WRN: variants seen among roughly 807,000 people sequenced by gnomAD.
WRN encodes the protein bifunctional 3'-5' exonuclease/ATP-dependent helicase WRN.
In WRN, 149 loss-of-function variants were observed where a neutral mutation model predicts 180.7. The observed-to-expected ratio is 0.82, with a 90% CI of 0.72 to 0.94. The LOEUF is 0.94. Ranked by LOEUF, WRN falls within the 40% of genes least tolerant of loss-of-function variation. The pLI is 0.00. For missense variants in WRN, 1,661 were observed against 1,700.1 expected (o/e 0.98, Z 0.40); for synonymous variants, 548 against 568.9 (o/e 0.96, Z 0.52).
At chr8:31,079,312 C>T (rs1044193186) in intron 8 of WRN, among the ~76,000 whole-genome samples, 13 of 152,196 alleles carry the variant, frequency 8.5e-5, no homozygotes, top group South Asian at 8.3e-4. Context: ...CAAATTTTTA[C>T]TTGAGTCATT....
At chr8:31,043,322 T>C (rs1019729071) in intron 1 of WRN, among the ~76,000 whole-genome samples, 2 of 152,162 alleles carry the variant, frequency 1.3e-5, no homozygotes, top group African/African-American at 4.8e-5. Flanking sequence ...AGATGGAGGC[T>C]AGAGAACTGA....
Position 31,111,754 on chromosome 8 carries a change from C to T in WRN, c.2228C>T (p.Thr743Ile). The T allele has an allele frequency of 6.2e-7, 1 of 1,613,908 alleles. No individual in the cohort carries two copies. Among genetic ancestry groups the T allele is most frequent in the South Asian group, 1.1e-5 (1 of 91,078 alleles). Reference sequence around the variant, plus strand: ...CTGTATTTAGAAGTTAGGCGAAAAACAGGGAATATCCTTCAGGATCTGCAG... The same window carrying T: ...CTGTATTTAGAAGTTAGGCGAAAAATAGGGAATATCCTTCAGGATCTGCAG... Reference protein sequence around the residue: ...PNLYLEVRRKTGNILQDLQPF... With the variant: ...PNLYLEVRRKIGNILQDLQPF... Residue 743 changes from threonine (T) to isoleucine (I), a missense_variant, in exon 19 of 35, where the codon ACA (threonine) becomes ATA (isoleucine). Around this residue, in one of 3 missense-constraint regions of WRN, gnomAD observed 1,141 missense variants for 1,149.4 expected, o/e 0.99. Coordinates refer to ENST00000298139, the MANE Select transcript of WRN (RefSeq NM_000553.6).
intron 33 of WRN, among the ~76,000 whole-genome samples, chr8:31,161,072 C>A (rs2130494707): frequency 1.3e-5 from 2 of 148,528 alleles, no homozygotes; most frequent in Admixed American, 1.3e-4. Context: ...TAGCTGCCTT[C>A]TTTATATCCT....
chr8:31,076,058 A>G, intron 7 of WRN, 115 bp from the exon 8 acceptor site: 1 of 855,116 alleles, frequency 1.2e-6, no homozygotes, highest in Non-Finnish European at 1.9e-6. Flanking sequence ...TTTTGTTGGA[A>G]TTCATTTAAG....
chr8:31,152,322 C>A (rs1803168934), intron 31 of WRN, among the ~76,000 whole-genome samples: 1 of 149,948 alleles, frequency 6.7e-6, no homozygotes, highest in South Asian at 2.1e-4. Context: ...CAGAGCGAGA[C>A]TCCATCTCAA....
chr8:31,140,003 GTTTTTTTTTTTTTTTT>G (rs71539917), intron 24 of WRN, among the ~76,000 whole-genome samples: 23 of 62,104 alleles, frequency 3.7e-4, no homozygotes, highest in African/African-American at 4.8e-4. Flanking sequence ...ATACTTCTTT[GTTTTTTTTTTTTTTTT>G]TTTTTTTTTT....
chr8:31,143,024 G>GACACACACACAC (rs10529735), intron 27 of WRN, among the ~76,000 whole-genome samples: 10 of 136,608 alleles, frequency 7.3e-5, no homozygotes, highest in African/African-American at 1.9e-4. Context: ...TCTTATTAAA[G>GACACACACACAC]ACACACACAC....
chr8:31,084,067 C>G (rs1394362725), intron 10 of WRN, among the ~76,000 whole-genome samples: 2 of 152,092 alleles, frequency 1.3e-5, no homozygotes, highest in African/African-American at 4.8e-5. Context: ...TGCTCCATCT[C>G]GGCTCACTGC....
intron 18 of WRN, among the ~76,000 whole-genome samples, chr8:31,101,564 A>C (rs918965891): frequency 6.6e-6 from 1 of 152,146 alleles, no homozygotes; most frequent in Non-Finnish European, 1.5e-5. Flanking sequence ...AGGTGGGTGG[A>C]TCACCTGAGG....
chr8:31,045,108 G>C (rs141749226), intron 1 of WRN, among the ~76,000 whole-genome samples: 1 of 152,160 alleles, frequency 6.6e-6, no homozygotes, highest in East Asian at 1.9e-4. Flanking sequence ...CTCATTTCTT[G>C]AATAACTTGT....
In WRN at chr8:31,141,605, A is replaced by C; in HGVS notation, c.3138+5A>C. On this transcript the variant is annotated splice_donor_5th_base_variant and intron_variant, in intron 25 of 34. Coordinates refer to ENST00000298139, the MANE Select transcript of WRN (RefSeq NM_000553.6). ...ATTTGCGCCCTTACGAAAAAGGTAAACGGTGTAGGAGTCTGCCTGTTTGAC... is the reference window on the plus strand; with the variant it reads ...ATTTGCGCCCTTACGAAAAAGGTAACCGGTGTAGGAGTCTGCCTGTTTGAC... 6.2e-7 allele frequency: 1 copy of C among 1,614,100 alleles called. No homozygotes were observed. Among genetic ancestry groups the C allele is most frequent in the Non-Finnish European group, 8.5e-7 (1 of 1,180,002 alleles).
Position 31,083,740 on chromosome 8 carries a change from A to T in WRN, c.1311A>T (p.Val437=), listed in dbSNP as rs2130133508. 6.2e-7 allele frequency: 1 copy of T among 1,611,004 alleles called. No homozygotes were observed. The highest frequency in any genetic ancestry group is 1.3e-5 in the African/African-American group (1 of 74,970). ...ATAATGAAAACGATACGTCCTATGT[A>T]ATTGAGAGTGATGAAGATTTAGAAA... is the stretch of plus-strand genomic sequence containing the variant. ...PNDNENDTSY[V]IESDEDLEME... The change falls in exon 10 of 35, where the codon GTA becomes GTT. Residue 437 remains valine (V), a synonymous_variant. Coordinates refer to ENST00000298139, the MANE Select transcript of WRN (RefSeq NM_000553.6).
rs913325260 is a variant in WRN, at chr8:31,124,522, G to C, written c.2631G>C (p.Arg877Ser). 3 of 1,610,540 alleles carry C rather than the reference G, an allele frequency of 1.9e-6. No homozygotes were observed. Among genetic ancestry groups the C allele is most frequent in the African/African-American group, 1.3e-5 (1 of 74,884 alleles). Residue 877 changes from arginine (R) to serine (S), a missense_variant and splice_region_variant, in exon 22 of 35, where the codon AGG becomes AGC. Arg to Ser is a moderately radical substitution (Grantham distance 110). This residue lies in a region of WRN where 1,141 missense variants were observed against 1,149.4 expected (regional missense o/e 0.99). Transcript: ENST00000298139. ...TTCCTGTGATGTTTTTAATCGACAG[G>C]CACCTTCTTACTGAGATACGTAATG... ...LWAPADINLNRHLLTEIRNEK... is the reference protein window; with the variant it reads ...LWAPADINLNSHLLTEIRNEK...
intron 1 of WRN, among the ~76,000 whole-genome samples, chr8:31,057,962 C>T (rs1170165943): frequency 6.6e-6 from 1 of 152,108 alleles, no homozygotes; most frequent in Non-Finnish European, 1.5e-5. Context: ...TATTATCTGT[C>T]TTCAAAATTA....
In WRN at chr8:31,175,575, T is replaced by G. The variant is rs1804250803; in HGVS notation, c.*2473T>G. Among the ~76,000 whole-genome samples, 4 of 152,248 alleles carry G rather than the reference T, an allele frequency of 2.6e-5. No individual in the cohort carries two copies. The South Asian group carries it at 8.3e-4, about 31-fold the overall frequency. On this transcript the variant is annotated 3_prime_UTR_variant, in exon 35 of 35. Coordinates refer to ENST00000298139, the MANE Select transcript of WRN (RefSeq NM_000553.6). ...CAGATTACACACTGCAACTAATCTTTAAGAAACTATTACTTGTCCACTTTT... is the reference window on the plus strand; with the variant it reads ...CAGATTACACACTGCAACTAATCTTGAAGAAACTATTACTTGTCCACTTTT...
chr8:31,127,338 T>C (rs990237815), intron 23 of WRN, among the ~76,000 whole-genome samples: 2 of 152,146 alleles, frequency 1.3e-5, no homozygotes, highest in Non-Finnish European at 2.9e-5. Context: ...CTGATTGTGA[T>C]GGGAGTTAGA....
At chr8:31,149,670 T>C (rs1803037127) in intron 30 of WRN, among the ~76,000 whole-genome samples, 2 of 151,840 alleles carry the variant, frequency 1.3e-5, no homozygotes, top group Non-Finnish European at 2.9e-5. Flanking sequence ...AGATGAGGTT[T>C]CACTGTGTTG....
intron 19 of WRN, among the ~76,000 whole-genome samples, chr8:31,115,496 T>G (rs951883600): frequency 1.1e-4 from 17 of 152,226 alleles, no homozygotes; most frequent in African/African-American, 4.1e-4. Context: ...CTTTTTACTA[T>G]TATAATGTTG....
intron 16 of WRN, 84 bp from the exon 17 acceptor site, chr8:31,096,684 C>T: frequency 8.9e-7 from 1 of 1,118,296 alleles, no homozygotes; most frequent in East Asian, 2.5e-5. Flanking sequence ...GTTGTAATTC[C>T]TTGAGATGAT....
Sources: allele counts gnomAD v4.1 joint callset (sites outside exome capture counted in the v4.1 genomes callset), GRCh38; gene constraint gnomAD v4.1.1; regional missense constraint gnomAD v4.1.1; transcripts MANE v1.5; gene names NCBI Gene and HGNC (gene_info 2026-07-23, HGNC 2026-07-21).